The following PSMC3 variants were observed in gnomAD, a reference collection of about 807,000 sequenced individuals.
PSMC3 encodes 26S proteasome regulatory subunit 6A.
A neutral mutation model predicts 52.0 loss-of-function variants in PSMC3; 11 were observed. That is an observed-to-expected ratio of 0.21 (90% CI 0.13 to 0.35). PSMC3 has a LOEUF of 0.35. PSMC3 is among the 10% of genes least tolerant of loss of function. PSMC3 has a pLI of 1.00. For synonymous variants in PSMC3, 201 were observed against 218.8 expected (o/e 0.92, Z 0.72); for missense variants, 238 against 567.1 (o/e 0.42, Z 5.89).
chr11:47,424,063 C>T lies in PSMC3; in HGVS notation c.574G>A (p.Asp192Asn). 6.2e-7 allele frequency: 1 copy of T among 1,614,186 alleles called. No homozygotes were observed. The highest frequency in any genetic ancestry group is 2.2e-5 in the East Asian group (1 of 44,874). Reference sequence around the variant, plus strand: ...TCCCTCACCTCCTGGATCTGCTTGTCCAAACCCCCAATGTCACTGTATTGC... The same window carrying T: ...TCCCTCACCTCCTGGATCTGCTTGTTCAAACCCCCAATGTCACTGTATTGC... ...TEQYSDIGGL[D>N]KQIQELVEAI... Residue 192 changes from aspartate to asparagine, a missense_variant, in exon 6 of 12, where the codon GAC (aspartate) becomes AAC (asparagine). Transcript: ENST00000298852. The surrounding 1 kb of genome is among the most constrained non-coding windows in gnomAD (Gnocchi z 4.8).
At chr11:47,419,004 T>C (rs910261269) in intron 11 of PSMC3, 59 bp from the exon 12 acceptor site, 110 of 1,606,156 alleles carry the variant, frequency 6.8e-5, no homozygotes, top group Non-Finnish European at 9.0e-5. Flanking sequence ...CCTGGCTCCC[T>C]GAGGCTCAGG....
chr11:47,421,529 T>C (rs3781625), intron 8 of PSMC3, among the ~76,000 whole-genome samples: 46,043 of 151,238 alleles, frequency 0.3, 7,171 homozygotes, highest in Middle Eastern at 0.4. Context: ...GTGGCAGGAG[T>C]CCAGAGCAGG....
At chr11:47,420,764 C>A (rs746344908) in intron 8 of PSMC3, 37 bp from the exon 9 acceptor site, 1 of 1,528,870 alleles carries the variant, frequency 6.5e-7, no homozygotes, top group South Asian at 1.2e-5. Context: ...GGTGAGGGCA[C>A]AGCTTAGGCA....
chr11:47,419,614 C>T (rs2096037625), intron 10 of PSMC3, among the ~76,000 whole-genome samples: 1 of 152,156 alleles, frequency 6.6e-6, no homozygotes, highest in African/African-American at 2.4e-5. Flanking sequence ...AATCCCAGCA[C>T]TTTGGGAGGC....
chr11:47,420,233 G>A lies in PSMC3; in HGVS notation c.1127+31C>T, dbSNP rs755589306. 3.7e-6 allele frequency: 6 copies of A among 1,611,830 alleles called. No individual in the cohort carries two copies. In the South Asian group the frequency reaches 6.6e-5, roughly 18 times the overall value. On this transcript the variant is annotated intron_variant, in intron 10 of 11. Transcript: ENST00000298852. ...GAGACATCCTCCTGCGCCTGTTCAG[G>A]TCTCTGTGCCCTGCCCGTGCTCCTG...
Position 47,422,911 on chromosome 11 carries a change from T to C in PSMC3, c.654A>G (p.Gln218=), listed in dbSNP as rs34037785. The C allele has an allele frequency of 7.6e-3, 12,247 of 1,613,674 alleles. 795 individuals carry two copies. The African/African-American group carries it at 0.14, about 19-fold the overall frequency. The part of the protein sequence containing the change: ...HKEKFENLGI[Q]PPKGVLMYGP... ...CATACATCAGCACCCCTTTTGGAGG[T>C]TGGATCCCCAAGTTCTCAAACTTCT... is the stretch of plus-strand genomic sequence containing the variant. The change falls in exon 7 of 12, where the codon CAA becomes CAG. Residue 218 remains glutamine, a synonymous_variant. Transcript: ENST00000298852. The surrounding 1 kb of genome is among the most constrained non-coding windows in gnomAD (Gnocchi z 4.3).
At chr11:47,420,444 G>A in intron 9 of PSMC3, 35 bp from the exon 10 acceptor site, 1 of 1,597,728 alleles carries the variant, frequency 6.3e-7, no homozygotes, top group Non-Finnish European at 8.5e-7. Context: ...AAAGGAGCAA[G>A]GTGTTCACAG....
Position 47,424,167 on chromosome 11 carries a change from G to A in PSMC3, c.470C>T (p.Ser157Phe), listed in dbSNP as rs1229293901. The change falls in exon 6 of 12, where the codon TCC becomes TTC. Residue 157 changes from serine (S) to phenylalanine (F), a missense_variant. Coordinates refer to ENST00000298852, the MANE Select transcript of PSMC3 (RefSeq NM_002804.5). The surrounding 1 kb of genome is among the most constrained non-coding windows in gnomAD (Gnocchi z 4.8). Reference sequence around the variant, plus strand: ...GGGCAGCGTCTCCAGGATCAGATAGGAGTCTTTGTTCACACCCTAAGGACA... The same window carrying A: ...GGGCAGCGTCTCCAGGATCAGATAGAAGTCTTTGTTCACACCCTAAGGACA... ...PGDLVGVNKD[S>F]YLILETLPTE... 6.2e-7 allele frequency: 1 copy of A among 1,614,176 alleles called. No homozygotes were observed.
Position 47,418,778 on chromosome 11 carries a change from C to A in PSMC3, c.*57G>T. ...AAGGCAGACAAGCAGCGGCAGGGACCCTAAACCATCTTTTATTGCGCACTT... is the reference window on the plus strand; with the variant it reads ...AAGGCAGACAAGCAGCGGCAGGGACACTAAACCATCTTTTATTGCGCACTT... On this transcript the variant is annotated 3_prime_UTR_variant, in exon 12 of 12. Coordinates refer to ENST00000298852, the MANE Select transcript of PSMC3 (RefSeq NM_002804.5). 2 of 1,513,266 alleles carry A rather than the reference C, an allele frequency of 1.3e-6. No individual in the cohort carries two copies. Among genetic ancestry groups the A allele is most frequent in the East Asian group, 2.3e-5 (1 of 43,636 alleles). The allele number at this position is 1,513,266 out of a possible 1,614,324, so 93.7% of individuals were successfully genotyped here.
chr11:47,421,130 G>A (rs1004332701), intron 8 of PSMC3, among the ~76,000 whole-genome samples: 1 of 151,126 alleles, frequency 6.6e-6, no homozygotes, highest in Non-Finnish European at 1.5e-5. Context: ...GCAGCCACCT[G>A]TAATCTCAGC....
chr11:47,420,827 G>A (rs1384811821), intron 8 of PSMC3, 100 bp from the exon 9 acceptor site: 2 of 1,065,616 alleles, frequency 1.9e-6, no homozygotes, highest in Non-Finnish European at 2.7e-6. Flanking sequence ...GTCCAGGGCA[G>A]GGAAATGGCT....
intron 1 of PSMC3, 109 bp downstream of exon 1, chr11:47,426,096 G>A: frequency 4.9e-6 from 7 of 1,432,990 alleles, no homozygotes; most frequent in Non-Finnish European, 5.8e-6. Flanking sequence ...AAACAACCCC[G>A]TCCCCGGGAT....
At chr11:47,419,432 A>T (rs946822145) in intron 10 of PSMC3, among the ~76,000 whole-genome samples, 35 of 152,232 alleles carry the variant, frequency 2.3e-4, no homozygotes, top group African/African-American at 8.2e-4. Context: ...CTGGCCTTCT[A>T]GAAATCTGCA....
chr11:47,420,508 G>C (rs1032502674), intron 9 of PSMC3, 99 bp from the exon 10 acceptor site: 96 of 1,527,344 alleles, frequency 6.3e-5, no homozygotes, highest in Non-Finnish European at 8.3e-5. Flanking sequence ...GTGCAGGTGA[G>C]ACACATGGGA....
chr11:47,426,183 C>T, intron 1 of PSMC3, 22 bp downstream of exon 1: 1 of 1,553,004 alleles, frequency 6.4e-7, no homozygotes, highest in Non-Finnish European at 8.7e-7. Flanking sequence ...GTTCCCGGAC[C>T]GCCAGCTCGC....
Position 47,424,208 on chromosome 11 carries a change from A to G in PSMC3, c.454-25T>C, listed in dbSNP as rs759662462. On this transcript the variant is annotated intron_variant, in intron 5 of 11. Coordinates refer to ENST00000298852, the MANE Select transcript of PSMC3 (RefSeq NM_002804.5). This position sits in a 1 kb window ranked among gnomAD's most constrained non-coding sequence, Gnocchi z 4.8. ...CCTAAGGACACAGCACAGGGCCTTCAGATTTGGCCCAGCTCAAGGGCTACC... is the reference window on the plus strand; with the variant it reads ...CCTAAGGACACAGCACAGGGCCTTCGGATTTGGCCCAGCTCAAGGGCTACC... 1 of 1,614,178 alleles carries G rather than the reference A, an allele frequency of 6.2e-7. No homozygotes were observed. Among genetic ancestry groups the G allele is most frequent in the South Asian group, 1.1e-5 (1 of 91,088 alleles).
Position 47,424,061 on chromosome 11 carries a change from G to A in PSMC3, c.576C>T (p.Asp192=), listed in dbSNP as rs1049672293. The A allele has an allele frequency of 1.2e-6, 2 of 1,614,032 alleles. No individual in the cohort carries two copies. Among genetic ancestry groups the A allele is most frequent in the African/African-American group, 2.7e-5 (2 of 74,912 alleles). ...CCTCCCTCACCTCCTGGATCTGCTT[G>A]TCCAAACCCCCAATGTCACTGTATT... ...TEQYSDIGGL[D]KQIQELVEAI... is the part of the protein sequence containing the mutation. Residue 192 remains aspartate (D), a synonymous_variant, in exon 6 of 12, where the codon GAC becomes GAT. Coordinates refer to ENST00000298852, the MANE Select transcript of PSMC3 (RefSeq NM_002804.5). The surrounding 1 kb of genome is among the most constrained non-coding windows in gnomAD (Gnocchi z 4.8).
Position 47,424,839 on chromosome 11 carries a change from T to C in PSMC3, c.286-128A>G, listed in dbSNP as rs1441545579. The C allele has an allele frequency of 3.3e-6, 3 of 897,228 alleles. No individual in the cohort carries two copies. The highest frequency in any genetic ancestry group is 3.3e-5 in the African/African-American group (2 of 60,598). 55.6% of individuals were successfully genotyped at this position (897,228 alleles called of 1,614,324 possible). ...CCAATAGCCCTGAGCCCACCAAACGTGGGTGCCCCTGCTAAGCCCAGGGAT... is the reference window on the plus strand; with the variant it reads ...CCAATAGCCCTGAGCCCACCAAACGCGGGTGCCCCTGCTAAGCCCAGGGAT... On this transcript the variant is annotated intron_variant, in intron 3 of 11. Transcript: ENST00000298852. This position sits in a 1 kb window ranked among gnomAD's most constrained non-coding sequence, Gnocchi z 4.8.
At position 47,424,273 on chromosome 11, in the gene PSMC3, C is replaced by A. The variant is rs777820097; in HGVS notation, c.454-90G>T. The stretch of plus-strand genomic sequence containing the variant: ...ACAGGTGTCTGCAGAGGGAAAGACA[C>A]AGGACTGGGCAATACAAGAATCAAA... On this transcript the variant is annotated intron_variant, in intron 5 of 11. Transcript: ENST00000298852. The surrounding 1 kb of genome is among the most constrained non-coding windows in gnomAD (Gnocchi z 4.8). The A allele has an allele frequency of 1.1e-4, 171 of 1,582,136 alleles. No homozygotes were observed. Among genetic ancestry groups the A allele is most frequent in the Non-Finnish European group, 1.3e-4 (154 of 1,151,770 alleles).
Sources: allele counts gnomAD v4.1 joint callset (sites outside exome capture counted in the v4.1 genomes callset), GRCh38; gene constraint gnomAD v4.1.1; non-coding constraint Gnocchi (gnomAD v3.1); transcripts MANE v1.5; gene names NCBI Gene and HGNC (gene_info 2026-07-23, HGNC 2026-07-21).